The following ZNF148 variants were observed in gnomAD, a reference collection of about 807,000 sequenced individuals.
ZNF148 encodes the protein zinc finger protein 148, also known as Beta-Enolase Repressor Factor-1.
ZNF148 carries 7 observed loss-of-function variants against 67.7 expected under a neutral mutation model. The ratio of observed to expected loss-of-function variants is 0.10; its 90% CI spans 0.06 to 0.19. ZNF148 has a LOEUF of 0.19. Among genes scored for constraint, ZNF148 ranks in the 10% least tolerant of loss-of-function variants. ZNF148 has a pLI of 1.00. For missense variants in ZNF148, 583 were observed against 947.1 expected, an observed-to-expected ratio of 0.62 and a Z score of 5.05; for synonymous variants, 333 against 330.7, an observed-to-expected ratio of 1.01 and a Z score of -0.08.
rs1256074867 is a variant in ZNF148 at position 125,231,437 on chromosome 3, T to C, written c.*904A>G. The C allele has an allele frequency of 6.6e-6, 1 of 152,528 alleles. No individual in the cohort carries two copies. The highest frequency in any genetic ancestry group is 1.9e-4 in the East Asian group (1 of 5,198). 9.4% of individuals were successfully genotyped at this position (152,528 alleles called of 1,614,324 possible). ...TCTAAGTGCTCTATGTTAACTGAAG[T>C]GTATATGTAAAGTAAAATACAATTA... On this transcript the variant is annotated 3_prime_UTR_variant, in exon 9 of 9. Coordinates refer to ENST00000360647, the MANE Select transcript of ZNF148 (RefSeq NM_021964.3).
At chr3:125,311,631 T>C (rs1409691718) in intron 4 of ZNF148, among the ~76,000 whole-genome samples, 1 of 151,948 alleles carries the variant, frequency 6.6e-6, no homozygotes, top group East Asian at 1.9e-4. Context: ...CCCTATATAA[T>C]TTAACTTAGT....
At chr3:125,333,415 C>G (rs1287252972) in intron 1 of ZNF148, among the ~76,000 whole-genome samples, 2 of 152,144 alleles carry the variant, frequency 1.3e-5, no homozygotes, top group Admixed American at 6.5e-5. Context: ...CCACAATTTC[C>G]CCCAAGTCAC....
At chr3:125,312,463 G>T (rs1321812909) in intron 4 of ZNF148, among the ~76,000 whole-genome samples, 1 of 152,274 alleles carries the variant, frequency 6.6e-6, no homozygotes, top group Non-Finnish European at 1.5e-5. Context: ...TGTCCTTATG[G>T]AGTCTACAAT....
At chr3:125,358,325 GA>G (rs970845149) in intron 1 of ZNF148, among the ~76,000 whole-genome samples, 97 of 146,602 alleles carry the variant, frequency 6.6e-4, no homozygotes, top group Non-Finnish European at 9.4e-4. Flanking sequence ...AAAAGAAAAA[GA>G]AAAAAAAAAG....
intron 7 of ZNF148, among the ~76,000 whole-genome samples, chr3:125,275,885 CAT>C (rs1938033299): frequency 6.6e-6 from 1 of 152,216 alleles, no homozygotes; most frequent in South Asian, 2.1e-4. Context: ...AACTTAGCCT[CAT>C]GTGGCTTTTC....
intron 7 of ZNF148, among the ~76,000 whole-genome samples, chr3:125,236,950 G>C (rs1936119262): frequency 6.6e-6 from 1 of 152,228 alleles, no homozygotes; most frequent in South Asian, 2.1e-4. Context: ...AAGGCACTTG[G>C]TCAAGGGGTA....
chr3:125,339,641 G>A (rs976726649), intron 1 of ZNF148, among the ~76,000 whole-genome samples: 1 of 152,082 alleles, frequency 6.6e-6, no homozygotes, highest in Non-Finnish European at 1.5e-5. Flanking sequence ...AAGTAAACAA[G>A]GCTGTACATT....
chr3:125,240,340 G>A (rs1936293139), intron 7 of ZNF148, among the ~76,000 whole-genome samples: 3 of 152,192 alleles, frequency 2.0e-5, no homozygotes, highest in Admixed American at 2.0e-4. Context: ...CACCGTCTCT[G>A]AATGAATAAA....
rs1465544300 is a variant in ZNF148, at chr3:125,229,791, T to G, written c.*2550A>C. The G allele has an allele frequency of 1.3e-5, 2 of 152,154 alleles. No homozygotes were observed. The highest frequency in any genetic ancestry group is 2.9e-5 in the Non-Finnish European group (2 of 68,008). The allele number at this position is 152,154 out of a possible 1,614,324, so 9.4% of individuals were successfully genotyped here. ...TTCTCCATTAATGCCCAGATAGAAA[T>G]TAAATAACCTTCTGAACCAAAGTGG... is the stretch of plus-strand genomic sequence containing the variant. On this transcript the variant is annotated 3_prime_UTR_variant, in exon 9 of 9. Transcript: ENST00000360647.
rs575075909 is a variant in ZNF148 at position 125,370,140 on chromosome 3, C to A, written c.-234+4962G>T. Among the ~76,000 whole-genome samples, 392 of 152,234 alleles carry A rather than the reference C, an allele frequency of 2.6e-3. 1 individual carries two copies. Among genetic ancestry groups the A allele is most frequent in the African/African-American group, 9.1e-3 (376 of 41,540 alleles). On this transcript the variant is annotated intron_variant, in intron 1 of 8. Transcript: ENST00000360647. Reference sequence around the variant, plus strand: ...TCTAAATTAAACCAGCACCCTGCTACAGACCAGATTTTACTCCAGATTAAA... The same window carrying A: ...TCTAAATTAAACCAGCACCCTGCTAAAGACCAGATTTTACTCCAGATTAAA...
intron 1 of ZNF148, among the ~76,000 whole-genome samples, chr3:125,335,284 G>T (rs1020637445): frequency 6.6e-6 from 1 of 152,140 alleles, no homozygotes; most frequent in African/African-American, 2.4e-5. Context: ...AGTAAAGCTG[G>T]AATTTCCTCC....
intron 7 of ZNF148, among the ~76,000 whole-genome samples, chr3:125,276,291 GCC>G (rs1938059320): frequency 6.6e-6 from 1 of 151,972 alleles, no homozygotes; most frequent in Non-Finnish European, 1.5e-5. Flanking sequence ...GCCTAGTATA[GCC>G]CCTTCTAATA....
intron 7 of ZNF148, among the ~76,000 whole-genome samples, chr3:125,244,686 T>C (rs951485937): frequency 6.6e-6 from 1 of 151,992 alleles, no homozygotes; most frequent in Non-Finnish European, 1.5e-5. Context: ...CTAGTAGAGA[T>C]GGGGTTTCAC....
intron 1 of ZNF148, among the ~76,000 whole-genome samples, chr3:125,372,534 T>G (rs1942924089): frequency 6.6e-6 from 1 of 152,212 alleles, no homozygotes; most frequent in Non-Finnish European, 1.5e-5. Flanking sequence ...GCCCATTACT[T>G]GGAGACATGG....
rs1935744478 is a variant in ZNF148 at position 125,228,991 on chromosome 3, T to C, written c.*3350A>G. The C allele has an allele frequency of 6.6e-6, 1 of 152,578 alleles. No homozygotes were observed. 9.5% of individuals were successfully genotyped at this position (152,578 alleles called of 1,614,324 possible). A position where few individuals can be genotyped will look rare whatever the true frequency, so the allele number is the denominator to read the frequency against. ...GAAAAAAGGAAACACGGTTTTTATT[T>C]GCAGAATATAGCAAAACAACTGGAA... On this transcript the variant is annotated 3_prime_UTR_variant, in exon 9 of 9. Coordinates refer to ENST00000360647, the MANE Select transcript of ZNF148 (RefSeq NM_021964.3).
intron 5 of ZNF148, among the ~76,000 whole-genome samples, chr3:125,284,913 C>CA (rs11420317): frequency 0.69 from 91,043 of 131,290 alleles, 30,136 homozygotes; most frequent in African/African-American, 0.76. Context: ...TTAAGTTTTC[C>CA]AAAAAAAAAA....
intron 6 of ZNF148, 152 bp downstream of exon 6, chr3:125,278,972 C>G (rs2107607827): frequency 1.3e-6 from 1 of 772,040 alleles, no homozygotes; most frequent in Non-Finnish European, 1.9e-6. Flanking sequence ...AGAGTTTTTC[C>G]TGGTTTCCTT....
chr3:125,253,757 T>C (rs1456225933), intron 7 of ZNF148, among the ~76,000 whole-genome samples: 2 of 152,194 alleles, frequency 1.3e-5, no homozygotes, highest in African/African-American at 4.8e-5. Context: ...GTTTTGATAC[T>C]TGAAAAGTTG....
At chr3:125,374,708 A>G (rs1476953107) in intron 1 of ZNF148, among the ~76,000 whole-genome samples, 1 of 151,904 alleles carries the variant, frequency 6.6e-6, no homozygotes, top group African/African-American at 2.4e-5. Flanking sequence ...TGCATAAAGC[A>G]CTGCACCAGG....
Sources: gnomAD v4.1 joint callset for allele counts (sites outside exome capture counted in the v4.1 genomes callset) on GRCh38, gnomAD v4.1.1 for gene constraint, MANE v1.5 for transcripts, NCBI Gene and HGNC (gene_info 2026-07-23, HGNC 2026-07-21) for gene names.